DROSHA: variants seen among roughly 807,000 people sequenced by gnomAD.
The protein encoded by DROSHA is drosha ribonuclease III, also known as ribonuclease 3.
In DROSHA, 56 loss-of-function variants were observed where a neutral mutation model predicts 181.9. The ratio of observed to expected loss-of-function variants is 0.31; its 90% CI spans 0.25 to 0.38. DROSHA has a LOEUF of 0.38. Among genes scored for constraint, DROSHA ranks in the 10% least tolerant of loss-of-function variants. The pLI is 1.00. For synonymous variants in DROSHA, 524 were observed against 591.2 expected (o/e 0.89, Z 1.65); for missense variants, 1,218 against 1,743.5 (o/e 0.70, Z 5.37).
chr5:31,494,427 T>C (rs2150043995), intron 12 of DROSHA, among the ~76,000 whole-genome samples: 1 of 152,340 alleles, frequency 6.6e-6, no homozygotes. Context: ...TATCTATTAT[T>C]TGTTTTGCCA....
chr5:31,435,915 T>C, intron 24 of DROSHA, 51 bp from the exon 25 acceptor site: 1 of 1,554,026 alleles, frequency 6.4e-7, no homozygotes, highest in Admixed American at 1.7e-5. Flanking sequence ...CGACATTCTG[T>C]CTGTGGCTCT....
chr5:31,472,453 G>C (rs1470511520), intron 16 of DROSHA, among the ~76,000 whole-genome samples: 1 of 152,036 alleles, frequency 6.6e-6, no homozygotes, highest in Admixed American at 6.6e-5. Flanking sequence ...TACTAAATTG[G>C]CAACAACAAC....
chr5:31,436,267 T>A (rs1744771341), intron 24 of DROSHA, among the ~76,000 whole-genome samples: 1 of 152,146 alleles, frequency 6.6e-6, no homozygotes, highest in South Asian at 2.1e-4. Context: ...GTCCATCTTG[T>A]GAAAAGAAAT....
chr5:31,476,599 A>C (rs1750395376), intron 16 of DROSHA, among the ~76,000 whole-genome samples: 1 of 152,202 alleles, frequency 6.6e-6, no homozygotes, highest in Non-Finnish European at 1.5e-5. Flanking sequence ...CTAAACCTTA[A>C]AGAGATTTTA....
At chr5:31,517,412 C>T (rs757026697) in intron 6 of DROSHA, among the ~76,000 whole-genome samples, 3 of 152,088 alleles carry the variant, frequency 2.0e-5, no homozygotes, top group Non-Finnish European at 1.5e-5. Context: ...TTTATATTTT[C>T]ATCAGTTACT....
chr5:31,504,769 T>TA (rs1404142517), intron 10 of DROSHA, 134 bp from the exon 11 acceptor site: 1 of 847,652 alleles, frequency 1.2e-6, no homozygotes. Flanking sequence ...GTTAGAAGAT[T>TA]AAACGGATGT....
In DROSHA at chr5:31,514,916, C is replaced by T; in HGVS notation, c.1290+72G>A. ...GCAGTCCCCACAATCAAGAATTTATCCAGCCCCAAAGGCCAATAGTGACAA... is the reference window on the plus strand; with the variant it reads ...GCAGTCCCCACAATCAAGAATTTATTCAGCCCCAAAGGCCAATAGTGACAA... On this transcript the variant is annotated intron_variant, in intron 8 of 35. Transcript: ENST00000344624. This position sits in a 1 kb window ranked among gnomAD's most constrained non-coding sequence, Gnocchi z 4.4. The T allele has an allele frequency of 1.4e-6, 2 of 1,417,014 alleles. No homozygotes were observed. Among genetic ancestry groups the T allele is most frequent in the Non-Finnish European group, 1.9e-6 (2 of 1,026,958 alleles). 87.8% of individuals were successfully genotyped at this position (1,417,014 alleles called of 1,614,324 possible). A position where few individuals can be genotyped will look rare whatever the true frequency, so the allele number is the denominator to read the frequency against.
At chr5:31,436,750 ACAC>A (rs1744864342) in intron 24 of DROSHA, among the ~76,000 whole-genome samples, 2 of 27,950 alleles carry the variant, frequency 7.2e-5, no homozygotes, top group Non-Finnish European at 1.3e-4. Context: ...AAACACACAC[ACAC>A]ACACACACAC....
At chr5:31,469,606 C>A (rs538773530) in intron 17 of DROSHA, among the ~76,000 whole-genome samples, 3 of 152,122 alleles carry the variant, frequency 2.0e-5, no homozygotes, top group African/African-American at 7.2e-5. Flanking sequence ...TTTTAGAATG[C>A]GAACTGTGGA....
chr5:31,506,066 A>T (rs1016708320), intron 10 of DROSHA, among the ~76,000 whole-genome samples: 1 of 152,236 alleles, frequency 6.6e-6, no homozygotes, highest in Non-Finnish European at 1.5e-5. Flanking sequence ...GATTTCATCA[A>T]AAGTTGTAAC....
chr5:31,518,521 AGG>A (rs1739514870), intron 6 of DROSHA, among the ~76,000 whole-genome samples: 1 of 152,220 alleles, frequency 6.6e-6, no homozygotes, highest in African/African-American at 2.4e-5. Context: ...TTTTCTAACC[AGG>A]TAGTCCTTTT....
chr5:31,449,172 G>C, intron 22 of DROSHA, 109 bp downstream of exon 22: 1 of 1,328,840 alleles, frequency 7.5e-7, no homozygotes, highest in Non-Finnish European at 1.0e-6. Context: ...ACTAGAATAT[G>C]AGACGGTGAA....
intron 21 of DROSHA, among the ~76,000 whole-genome samples, chr5:31,450,243 A>G (rs115626845): frequency 1.5e-3 from 236 of 152,368 alleles, no homozygotes; most frequent in African/African-American, 5.6e-3. Flanking sequence ...TACATAAATT[A>G]GTATAACCTC....
intron 29 of DROSHA, 102 bp from the exon 30 acceptor site, chr5:31,421,479 G>T: frequency 1.1e-6 from 1 of 945,362 alleles, no homozygotes; most frequent in Non-Finnish European, 1.7e-6. Flanking sequence ...AAGACAATGT[G>T]TTCATTTTGT....
chr5:31,463,658 C>T (rs992174074), intron 20 of DROSHA, among the ~76,000 whole-genome samples: 3 of 152,020 alleles, frequency 2.0e-5, no homozygotes, highest in Non-Finnish European at 4.4e-5. Context: ...AAATTCCACC[C>T]ATAGGAAAAA....
In DROSHA at chr5:31,488,156, C is replaced by A. The variant is rs143906170; in HGVS notation, c.1843-1594G>T. Among the ~76,000 whole-genome samples, 303 of 152,176 alleles carry A rather than the reference C, an allele frequency of 2.0e-3. 1 individual carries two copies. The highest frequency in any genetic ancestry group is 7.0e-3 in the African/African-American group (289 of 41,524). The stretch of plus-strand genomic sequence containing the variant: ...GAGGGGCCGGGCACGGTGGCTTATG[C>A]CTGTAATCCTAGCACTTTGGGAGGC... On this transcript the variant is annotated intron_variant, in intron 13 of 35. Coordinates refer to ENST00000344624, the MANE Select transcript of DROSHA (RefSeq NM_001382508.1).
At chr5:31,466,041 T>A (rs538908678) in intron 19 of DROSHA, 141 bp downstream of exon 19, 5 of 781,706 alleles carry the variant, frequency 6.4e-6, no homozygotes. Flanking sequence ...CGTATAATAA[T>A]GGGGGGAGGA....
Position 31,478,064 on chromosome 5 carries a change from T to C in DROSHA, c.2071+5490A>G, listed in dbSNP as rs115044228. On this transcript the variant is annotated intron_variant, in intron 16 of 35. Transcript: ENST00000344624. ...TTGAATTTTCAGTTAGATATTATAA[T>C]AAACTGACATAAACAAAAAGCAAGT... Among the ~76,000 whole-genome samples the C allele has an allele frequency of 5.5e-3, 844 of 152,266 alleles. 12 individuals carry two copies. Among genetic ancestry groups the C allele is most frequent in the African/African-American group, 0.019 (799 of 41,556 alleles).
intron 3 of DROSHA, among the ~76,000 whole-genome samples, chr5:31,530,498 C>A (rs1050395363): frequency 6.6e-6 from 1 of 151,954 alleles, no homozygotes; most frequent in African/African-American, 2.4e-5. Flanking sequence ...GATTACCATT[C>A]GAGTACAAAG....
Sources: allele counts gnomAD v4.1 joint callset (sites outside exome capture counted in the v4.1 genomes callset), GRCh38; gene constraint gnomAD v4.1.1; non-coding constraint Gnocchi (gnomAD v3.1); transcripts MANE v1.5; gene names NCBI Gene and HGNC (gene_info 2026-07-23, HGNC 2026-07-21).